The following FRMPD4 variants were observed in gnomAD, a reference collection of about 807,000 sequenced individuals.
FRMPD4 encodes FERM and PDZ domain containing 4, also known as FERM and PDZ domain-containing protein 4.
Under a neutral mutation model 94.1 loss-of-function variants are expected in FRMPD4, and 22 were observed. The ratio of observed to expected loss-of-function variants is 0.23; its 90% confidence interval spans 0.17 to 0.33. The LOEUF (loss-of-function observed/expected upper bound fraction) is 0.33, where lower values mean the gene tolerates loss of function less well. Among genes scored for constraint, FRMPD4 ranks in the 10% least tolerant of loss-of-function variants. The pLI is 1.00. For synonymous variants in FRMPD4, 631 were observed against 548.6 expected, an observed-to-expected ratio of 1.15 and a Z score of -2.10; for missense variants, 1,111 against 1,339.9, an observed-to-expected ratio of 0.83 and a Z score of 2.67.
intron 3 of FRMPD4, among the ~76,000 whole-genome samples, chrX:11,988,311 A>G (rs1422531072): frequency 9.6e-6 from 1 of 104,310 alleles, no homozygotes; most frequent in African/African-American, 3.8e-5. Flanking sequence ...CATTTTCTAC[A>G]AAGGTGCCAA....
intron 1 of FRMPD4, among the ~76,000 whole-genome samples, chrX:11,841,076 A>G (rs962820541): frequency 1.0e-4 from 11 of 110,132 alleles, no homozygotes; most frequent in Non-Finnish European, 5.7e-5. Flanking sequence ...ACATGAGCTC[A>G]TCATTTTTTT....
intron 1 of FRMPD4, among the ~76,000 whole-genome samples, chrX:12,317,928 G>T (rs773505130): frequency 8.9e-6 from 1 of 112,182 alleles, no homozygotes; most frequent in South Asian, 3.7e-4. Context: ...ACTACCATAT[G>T]ATCCAACAAT....
At chrX:12,589,044 G>A (rs1178764041) in intron 2 of FRMPD4, among the ~76,000 whole-genome samples, 1 of 112,048 alleles carries the variant, frequency 8.9e-6, no homozygotes, top group Non-Finnish European at 1.9e-5. Context: ...TCGATATTAT[G>A]TAAATATTTG....
At chrX:12,425,435 A>G (rs868115838) in intron 1 of FRMPD4, among the ~76,000 whole-genome samples, 14 of 112,192 alleles carry the variant, frequency 1.2e-4, no homozygotes, top group African/African-American at 2.9e-4. Context: ...CCCTGTCACT[A>G]TTGAGGGAAT....
intron 2 of FRMPD4, among the ~76,000 whole-genome samples, chrX:12,599,005 C>T (rs1347249770): frequency 1.8e-5 from 2 of 111,892 alleles, no homozygotes; most frequent in African/African-American, 6.5e-5. Flanking sequence ...TTCTGTAACA[C>T]ATATTCTTGT....
At chrX:12,091,536 G>A (rs1431355587) in intron 3 of FRMPD4, among the ~76,000 whole-genome samples, 1 of 112,247 alleles carries the variant, frequency 8.9e-6, no homozygotes, top group African/African-American at 3.2e-5. Flanking sequence ...ATCTAAAACA[G>A]AATGATATAT....
intron 1 of FRMPD4, among the ~76,000 whole-genome samples, chrX:12,331,256 T>A (rs185589924): frequency 9.5e-6 from 1 of 105,606 alleles, no homozygotes; most frequent in East Asian, 3.0e-4. Flanking sequence ...GGAAGGAAAA[T>A]CTTGTCCATT....
At chrX:12,483,398 T>C (rs1164151093) in intron 1 of FRMPD4, among the ~76,000 whole-genome samples, 1 of 111,857 alleles carries the variant, frequency 8.9e-6, no homozygotes, top group African/African-American at 3.2e-5. Flanking sequence ...TTTTTGCCAT[T>C]CAACATGGAG....
chrX:11,829,238 A>G lies in FRMPD4; in HGVS notation c.-161+6523A>G, dbSNP rs138758712. 2.9e-4 allele frequency among the ~76,000 whole-genome samples: 32 copies of G among 112,163 alleles called. No individual in the cohort carries two copies. The East Asian group carries it at 8.1e-3, about 28-fold the overall frequency. On this transcript the variant is annotated intron_variant, in intron 1 of 18. Coordinates refer to the FRMPD4 transcript ENST00000640291. ...ATTTGGGTACCCCATGGCCCAGTCA[A>G]GTTGACACATAAAATTAACCATCAC...
chrX:12,434,269 C>T (rs963993565), intron 1 of FRMPD4, among the ~76,000 whole-genome samples: 2 of 112,334 alleles, frequency 1.8e-5, no homozygotes, highest in African/African-American at 3.2e-5. Context: ...ATGAGGATAA[C>T]TTTGTCAAAT....
intron 1 of FRMPD4, among the ~76,000 whole-genome samples, chrX:12,233,125 T>C (rs925568561): frequency 1.4e-4 from 16 of 112,191 alleles, no homozygotes; most frequent in African/African-American, 5.2e-4. Context: ...AAGCCATTAA[T>C]GCTGGGTGAA....
intron 1 of FRMPD4, among the ~76,000 whole-genome samples, chrX:12,231,584 C>T (rs1248057968): frequency 4.5e-5 from 5 of 111,178 alleles, no homozygotes; most frequent in Non-Finnish European, 7.5e-5. Context: ...CTCACTTGCA[C>T]GGAAGACTCA....
chrX:11,969,169 A>G (rs1247075225), intron 3 of FRMPD4, among the ~76,000 whole-genome samples: 1 of 112,702 alleles, frequency 8.9e-6, no homozygotes, highest in Non-Finnish European at 1.9e-5. Context: ...CAACTTGACC[A>G]AATACTGAGG....
intron 2 of FRMPD4, among the ~76,000 whole-genome samples, chrX:12,551,085 A>G (rs764067569): frequency 1.8e-4 from 20 of 110,972 alleles, no homozygotes; most frequent in Non-Finnish European, 2.5e-4. Context: ...GTCTTAGTTT[A>G]TCATGTAAAC....
At chrX:12,180,830 A>G (rs150800223) in intron 1 of FRMPD4, among the ~76,000 whole-genome samples, 1 of 112,075 alleles carries the variant, frequency 8.9e-6, no homozygotes, top group East Asian at 2.8e-4. Context: ...TTTATTTACC[A>G]GAACAGAAGA....
chrX:12,492,639 T>C (rs1201901837), intron 1 of FRMPD4, among the ~76,000 whole-genome samples: 2 of 111,937 alleles, frequency 1.8e-5, no homozygotes, highest in African/African-American at 6.5e-5. Flanking sequence ...TTTACTATAT[T>C]TTCCTGTCCT....
intron 1 of FRMPD4, among the ~76,000 whole-genome samples, chrX:12,439,273 G>C (rs1371007139): frequency 9.0e-6 from 1 of 111,304 alleles, no homozygotes. Context: ...CTAATACTCT[G>C]GCTACGGCTA....
intron 3 of FRMPD4, among the ~76,000 whole-genome samples, chrX:11,902,010 G>A (rs1215869231): frequency 9.0e-6 from 1 of 111,723 alleles, no homozygotes; most frequent in Non-Finnish European, 1.9e-5. Flanking sequence ...GTCCTTTGTT[G>A]AATGTATAGT....
chrX:12,585,547 A>G (rs2058919572), intron 2 of FRMPD4, among the ~76,000 whole-genome samples: 2 of 112,055 alleles, frequency 1.8e-5, no homozygotes, highest in Non-Finnish European at 3.8e-5. Context: ...CCCATCTCCC[A>G]TTCCACCTGC....
Sources: gnomAD v4.1 joint callset for allele counts (sites outside exome capture counted in the v4.1 genomes callset) on GRCh38, gnomAD v4.1.1 for gene constraint, MANE v1.5 for transcripts, NCBI Gene and HGNC (gene_info 2026-07-23, HGNC 2026-07-21) for gene names.